The following UBE3A variants were observed in gnomAD, a reference collection of about 807,000 sequenced individuals.
UBE3A encodes the protein ubiquitin protein ligase E3A.
A neutral mutation model predicts 83.4 loss-of-function variants in UBE3A; 6 were observed. That is an observed-to-expected ratio of 0.07 (90% confidence interval 0.04 to 0.14). UBE3A has a LOEUF of 0.14. Among genes scored for constraint, UBE3A ranks in the 10% least tolerant of loss-of-function variants. UBE3A has a pLI of 1.00. For synonymous variants in UBE3A, 337 were observed against 355.4 expected (o/e 0.95, Z 0.58); for missense variants, 456 against 1,036.1 (o/e 0.44, Z 7.69).
In UBE3A at chr15:25,338,926, G is replaced by T; in HGVS notation, c.*211C>A. On this transcript the variant is annotated 3_prime_UTR_variant, in exon 13 of 13. Coordinates refer to ENST00000648336, the MANE Select transcript of UBE3A (RefSeq NM_130839.5). ...AATAATAAAGGATTTGTTCATATAT[G>T]TAGCTGAAATCTGCTGTTCCAGCCC... The T allele has an allele frequency of 3.0e-6, 1 of 332,860 alleles. No individual in the cohort carries two copies. The highest frequency in any genetic ancestry group is 5.3e-6 in the Non-Finnish European group (1 of 187,120). 20.6% of individuals were successfully genotyped at this position (332,860 alleles called of 1,614,324 possible).
intron 11 of UBE3A, chr15:25,346,669 A>C (rs1359264086): frequency 6.6e-6 from 1 of 152,220 alleles, no homozygotes; most frequent in Non-Finnish European, 1.5e-5. Context: ...AAATCTCAGC[A>C]AGGAAACAAG....
At chr15:25,402,245 G>C (rs1171739675) in intron 4 of UBE3A, among the ~76,000 whole-genome samples, 2 of 152,160 alleles carry the variant, frequency 1.3e-5, no homozygotes, top group African/African-American at 2.4e-5. Context: ...TGAGTCTACC[G>C]GGGCTGGCCT....
chr15:25,417,665 G>A (rs971296081), intron 1 of UBE3A, among the ~76,000 whole-genome samples: 3 of 151,858 alleles, frequency 2.0e-5, no homozygotes, highest in Non-Finnish European at 4.4e-5. Context: ...TTTAACAAGG[G>A]AGGAGAAAAA....
At chr15:25,410,153 A>G (rs969801449) in intron 2 of UBE3A, among the ~76,000 whole-genome samples, 3 of 152,220 alleles carry the variant, frequency 2.0e-5, no homozygotes, top group African/African-American at 7.2e-5. Flanking sequence ...TAATAATAAA[A>G]AACATCAGTC....
At chr15:25,438,001 C>T (rs566634938) in intron 1 of UBE3A, 2 of 152,380 alleles carry the variant, frequency 1.3e-5, no homozygotes, top group East Asian at 3.9e-4. Flanking sequence ...CTTGACATAC[C>T]ACTTCATCCG....
At chr15:25,349,202 CAAAT>C (rs2076148136) in intron 11 of UBE3A, among the ~76,000 whole-genome samples, 1 of 152,098 alleles carries the variant, frequency 6.6e-6, no homozygotes, top group African/African-American at 2.4e-5. Context: ...GGTACTGGAA[CAAAT>C]AAATAAAACT....
chr15:25,431,036 T>C (rs1277134934), intron 1 of UBE3A, among the ~76,000 whole-genome samples: 1 of 152,236 alleles, frequency 6.6e-6, no homozygotes, highest in Non-Finnish European at 1.5e-5. Flanking sequence ...AAATCTTGAT[T>C]TATGTGTATA....
rs1566798171 is a variant in UBE3A at position 25,335,038 on chromosome 15, C to T, written c.*4099G>A. On this transcript the variant is annotated 3_prime_UTR_variant, in exon 13 of 13. Transcript: ENST00000648336. ...AGTCTCTATCATGAATTTACTTACA[C>T]TCCAGGCAAAGGTTATTAGAAGAAA... The T allele has an allele frequency of 6.6e-6, 1 of 151,484 alleles. No homozygotes were observed. Among genetic ancestry groups the T allele is most frequent in the African/African-American group, 2.4e-5 (1 of 41,118 alleles). 9.4% of individuals were successfully genotyped at this position (151,484 alleles called of 1,614,324 possible).
At position 25,345,803 on chromosome 15, in the gene UBE3A, T is replaced by C. The variant is rs971656012; in HGVS notation, c.2355-5575A>G. 6.6e-5 allele frequency: 10 copies of C among 151,048 alleles called. No individual in the cohort carries two copies. The East Asian group carries it at 1.4e-3, about 21-fold the overall frequency. 9.4% of individuals were successfully genotyped at this position (151,048 alleles called of 1,614,324 possible). A position where few individuals can be genotyped will look rare whatever the true frequency, so the allele number is the denominator to read the frequency against. ...TGGGAAATTTCTGAATGAGGGTAAC[T>C]GAAAAAAAGGAAGACATGACACAAC... On this transcript the variant is annotated intron_variant, in intron 11 of 12. Transcript: ENST00000648336.
chr15:25,350,340 T>G (rs1249914197), intron 11 of UBE3A, among the ~76,000 whole-genome samples: 1 of 151,064 alleles, frequency 6.6e-6, no homozygotes, highest in African/African-American at 2.4e-5. Flanking sequence ...CAACTCTCCC[T>G]GCCCTGCACC....
chr15:25,412,847 A>G (rs537092853), intron 1 of UBE3A, among the ~76,000 whole-genome samples: 39 of 152,230 alleles, frequency 2.6e-4, no homozygotes, highest in Non-Finnish European at 4.1e-4. Flanking sequence ...ACTTCAGTCT[A>G]TAATAGAATT....
At position 25,371,857 on chromosome 15, in the gene UBE3A, G is replaced by T; in HGVS notation, c.362-45C>A. On this transcript the variant is annotated intron_variant, in intron 5 of 12. Transcript: ENST00000648336. This position sits in a 1 kb window ranked among gnomAD's most constrained non-coding sequence, Gnocchi z 5.3. ...AAGAGAACATTTATTTTCATAATAT[G>T]TATGTTTACTCTGTTGCAAAAAGTT... 1 of 1,568,652 alleles carries T rather than the reference G, an allele frequency of 6.4e-7. No individual in the cohort carries two copies. Among genetic ancestry groups the T allele is most frequent in the Non-Finnish European group, 8.6e-7 (1 of 1,160,568 alleles).
chr15:25,339,077 T>C lies in UBE3A; in HGVS notation c.*60A>G. The C allele has an allele frequency of 6.8e-7, 1 of 1,469,580 alleles. No individual in the cohort carries two copies. The highest frequency in any genetic ancestry group is 9.0e-7 in the Non-Finnish European group (1 of 1,114,924). 91.0% of individuals were successfully genotyped at this position (1,469,580 alleles called of 1,614,324 possible). On this transcript the variant is annotated 3_prime_UTR_variant, in exon 13 of 13. Coordinates refer to ENST00000648336, the MANE Select transcript of UBE3A (RefSeq NM_130839.5). ...TATCCCTCGTTATATTTTTAAAATT[T>C]TTTAAATTTTTTCTTTTTTTTTCCT...
In UBE3A at chr15:25,339,189, T is replaced by C. The variant is rs1362330256; in HGVS notation, c.2567A>G (p.Lys856Arg). 1.2e-6 allele frequency: 2 copies of C among 1,612,914 alleles called. No individual in the cohort carries two copies. Among genetic ancestry groups the C allele is most frequent in the South Asian group, 1.1e-5 (1 of 90,956 alleles). Residue 856 changes from lysine to arginine, a missense_variant, in exon 13 of 13, where the codon AAA (lysine) becomes AGA (arginine). Coordinates refer to ENST00000648336, the MANE Select transcript of UBE3A (RefSeq NM_130839.5). ...CGTGATGGCCTTCAACAATCTCTCTTTAAGTTTTTCTTTGCTTGAGTATTC... is the reference window on the plus strand; with the variant it reads ...CGTGATGGCCTTCAACAATCTCTCTCTAAGTTTTTCTTTGCTTGAGTATTC... Reference protein sequence around the residue: ...LPEYSSKEKLKERLLKAITYA... With the variant: ...LPEYSSKEKLRERLLKAITYA...
At chr15:25,432,926 T>G (rs1459235006) in intron 1 of UBE3A, among the ~76,000 whole-genome samples, 1 of 152,208 alleles carries the variant, frequency 6.6e-6, no homozygotes, top group Non-Finnish European at 1.5e-5. Flanking sequence ...TTCCTGAAAA[T>G]GAACTATAGG....
chr15:25,336,129 C>G lies in UBE3A; in HGVS notation c.*3008G>C, dbSNP rs2073949836. The G allele has an allele frequency of 6.6e-6, 1 of 152,016 alleles. No homozygotes were observed. Among genetic ancestry groups the G allele is most frequent in the African/African-American group, 2.4e-5 (1 of 41,374 alleles). 9.4% of individuals were successfully genotyped at this position (152,016 alleles called of 1,614,324 possible). A position where few individuals can be genotyped will look rare whatever the true frequency, so the allele number is the denominator to read the frequency against. ...TGGGACTCTGTACTTGTAAAACCCT[C>G]TACCCTCCCCAGGCAATTCTTTACA... On this transcript the variant is annotated 3_prime_UTR_variant, in exon 13 of 13. Transcript: ENST00000648336.
chr15:25,346,246 A>G (rs1034562335), intron 11 of UBE3A: 1 of 152,456 alleles, frequency 6.6e-6, no homozygotes, highest in Non-Finnish European at 1.5e-5. Flanking sequence ...TGCGCAGCTC[A>G]GCCTGGAGAA....
At chr15:25,416,334 A>G (rs761629228) in intron 1 of UBE3A, among the ~76,000 whole-genome samples, 3 of 152,250 alleles carry the variant, frequency 2.0e-5, no homozygotes, top group Non-Finnish European at 4.4e-5. Flanking sequence ...AAAATGGAAT[A>G]TACAGCGACT....
chr15:25,355,358 T>G (rs1451596006), intron 9 of UBE3A, among the ~76,000 whole-genome samples: 1 of 152,164 alleles, frequency 6.6e-6, no homozygotes, highest in Non-Finnish European at 1.5e-5. Flanking sequence ...ATCAAAAAAT[T>G]ATATCAATAT....
Sources: allele counts gnomAD v4.1 joint callset (sites outside exome capture counted in the v4.1 genomes callset), GRCh38; gene constraint gnomAD v4.1.1; non-coding constraint Gnocchi (gnomAD v3.1); transcripts MANE v1.5; gene names NCBI Gene and HGNC (gene_info 2026-07-23, HGNC 2026-07-21).